The following CSMD1 variants were observed in gnomAD, a reference collection of about 807,000 sequenced individuals.
CSMD1 encodes the protein CUB and sushi domain-containing protein 1.
CSMD1 carries 213 observed loss-of-function variants against 417.5 expected under a neutral mutation model. That is an observed-to-expected ratio of 0.51 (90% CI 0.46 to 0.57). The LOEUF is 0.57. CSMD1 is among the 20% of genes least tolerant of loss of function. CSMD1 has a pLI of 0.00. For synonymous variants in CSMD1, 2,862 were observed against 1,736.8 expected (o/e 1.65, Z -16.11); for missense variants, 6,923 against 4,529.7 (o/e 1.53, Z -15.17).
intron 3 of CSMD1, among the ~76,000 whole-genome samples, chr8:4,292,306 G>A (rs183105695): frequency 2.6e-5 from 4 of 152,240 alleles, no homozygotes; most frequent in Non-Finnish European, 5.9e-5. Flanking sequence ...AGGCTGGAGT[G>A]CAGTGTCGCG....
At chr8:3,066,602 A>G (rs1192475870) in intron 49 of CSMD1, among the ~76,000 whole-genome samples, 1 of 152,246 alleles carries the variant, frequency 6.6e-6, no homozygotes, top group African/African-American at 2.4e-5. Context: ...ATACAGACAG[A>G]CAAGAGAGTA....
intron 2 of CSMD1, among the ~76,000 whole-genome samples, chr8:4,576,444 C>G (rs1799140557): frequency 6.6e-6 from 1 of 152,204 alleles, no homozygotes; most frequent in Non-Finnish European, 1.5e-5. Context: ...ACAGTTTTTC[C>G]TTAATAGTCC....
Position 4,324,382 on chromosome 8 carries a change from G to C in CSMD1, c.415+95571C>G, listed in dbSNP as rs889107614. Among the ~76,000 whole-genome samples the C allele has an allele frequency of 4.6e-5, 7 of 152,196 alleles. 1 individual carries two copies. The highest frequency in any genetic ancestry group is 1.0e-4 in the Non-Finnish European group (7 of 68,036). ...ATTCCATGGATGGGACACCAGAGGT[G>C]GGGCAGGAGCAAGGAGGGGTTCCTC... is the stretch of plus-strand genomic sequence containing the variant. On this transcript the variant is annotated intron_variant, in intron 3 of 69. Transcript: ENST00000635120.
intron 5 of CSMD1, among the ~76,000 whole-genome samples, chr8:3,870,927 T>G (rs1805441760): frequency 6.6e-6 from 1 of 152,108 alleles, no homozygotes; most frequent in African/African-American, 2.4e-5. Flanking sequence ...TGTACATAGC[T>G]TTTTATGTAT....
chr8:3,906,490 C>T (rs887921103), intron 5 of CSMD1, among the ~76,000 whole-genome samples: 7 of 151,570 alleles, frequency 4.6e-5, no homozygotes, highest in African/African-American at 1.5e-4. Flanking sequence ...AAAGTGTATC[C>T]GATAAGAGAA....
intron 3 of CSMD1, among the ~76,000 whole-genome samples, chr8:4,185,179 C>T (rs367839007): frequency 7.2e-6 from 1 of 139,442 alleles, no homozygotes; most frequent in Non-Finnish European, 1.6e-5. Context: ...GAAGAAAAAA[C>T]CAAAAAGAAA....
At position 3,670,589 on chromosome 8, in the gene CSMD1, G is replaced by C. The variant is rs150007284; in HGVS notation, c.1009+37825C>G. On this transcript the variant is annotated intron_variant, in intron 7 of 69. Transcript: ENST00000635120. ...ATATATATATATGGGATATATATGG[G>C]GATATATATATTGCACATATATATG... is the stretch of plus-strand genomic sequence containing the variant. 3.7e-3 allele frequency among the ~76,000 whole-genome samples: 531 copies of C among 145,020 alleles called. 4 individuals are homozygous for C. Among genetic ancestry groups the C allele is most frequent in the African/African-American group, 0.012 (474 of 39,442 alleles).
At chr8:4,819,369 A>G (rs1027279661) in intron 1 of CSMD1, among the ~76,000 whole-genome samples, 1 of 152,306 alleles carries the variant, frequency 6.6e-6, no homozygotes, top group Non-Finnish European at 1.5e-5. Context: ...TGACATGGAA[A>G]TAGGCCTCTC....
At chr8:3,982,232 C>T (rs1264528756) in intron 5 of CSMD1, among the ~76,000 whole-genome samples, 1 of 149,834 alleles carries the variant, frequency 6.7e-6, no homozygotes, top group Non-Finnish European at 1.5e-5. Flanking sequence ...TTAGAATTAA[C>T]TACAATCTGA....
At chr8:3,815,249 T>A (rs965042034) in intron 5 of CSMD1, among the ~76,000 whole-genome samples, 5 of 152,144 alleles carry the variant, frequency 3.3e-5, no homozygotes, top group African/African-American at 2.4e-5. Context: ...ATGATTTGGG[T>A]AAAGTGTCTG....
chr8:4,432,146 C>G (rs1385001961), intron 2 of CSMD1, among the ~76,000 whole-genome samples: 1 of 152,068 alleles, frequency 6.6e-6, no homozygotes, highest in African/African-American at 2.4e-5. Context: ...CTAAAGCATG[C>G]ATGGATTATA....
intron 2 of CSMD1, among the ~76,000 whole-genome samples, chr8:4,611,119 T>A (rs1376622712): frequency 6.6e-6 from 1 of 152,124 alleles, no homozygotes; most frequent in East Asian, 1.9e-4. Flanking sequence ...TCCACAGAGA[T>A]AATGGCTGTT....
chr8:3,683,610 G>A (rs73183353), intron 7 of CSMD1, among the ~76,000 whole-genome samples: 21,710 of 152,078 alleles, frequency 0.14, 1,742 homozygotes, highest in South Asian at 0.21. Flanking sequence ...TCTTCTGCCA[G>A]GTCTTCCGCT....
chr8:4,253,379 T>C (rs1803220337), intron 3 of CSMD1, among the ~76,000 whole-genome samples: 1 of 152,010 alleles, frequency 6.6e-6, no homozygotes, highest in Non-Finnish European at 1.5e-5. Context: ...AATGCATTTT[T>C]TTCATTGAGT....
chr8:4,212,811 C>T (rs986083146), intron 3 of CSMD1, among the ~76,000 whole-genome samples: 3 of 136,860 alleles, frequency 2.2e-5, no homozygotes, highest in African/African-American at 3.0e-5. Context: ...CTTTTACCAG[C>T]CAGTTCATGG....
chr8:3,132,209 G>C (rs959711960), intron 41 of CSMD1, among the ~76,000 whole-genome samples: 5 of 151,838 alleles, frequency 3.3e-5, no homozygotes, highest in African/African-American at 1.2e-4. Flanking sequence ...GGATCATGTT[G>C]GATTTTAATT....
intron 2 of CSMD1, 29 bp downstream of exon 2, chr8:4,637,313 A>G: frequency 6.7e-7 from 1 of 1,492,320 alleles, no homozygotes; most frequent in Non-Finnish European, 9.3e-7. Context: ...AAACAGTGCT[A>G]ACTGTAATAT....
intron 2 of CSMD1, among the ~76,000 whole-genome samples, chr8:4,510,545 A>ATCTTCCCTTCCC (rs567099862): frequency 6.7e-6 from 1 of 148,644 alleles, no homozygotes; most frequent in Non-Finnish European, 1.5e-5. Flanking sequence ...ACTCAAAGCA[A>ATCTTCCCTTCCC]TCTTCCCTTC....
intron 12 of CSMD1, among the ~76,000 whole-genome samples, chr8:3,457,629 G>C (rs980591968): frequency 2.0e-5 from 3 of 152,280 alleles, no homozygotes; most frequent in Admixed American, 6.5e-5. Flanking sequence ...TTTTAAATCA[G>C]TAATGCAAAA....
Sources: allele counts gnomAD v4.1 joint callset (sites outside exome capture counted in the v4.1 genomes callset), GRCh38; gene constraint gnomAD v4.1.1; transcripts MANE v1.5; gene names NCBI Gene and HGNC (gene_info 2026-07-23, HGNC 2026-07-21).